The following GSG1L variants were observed in gnomAD, a reference collection of about 807,000 sequenced individuals.
GSG1L encodes the protein GSG1 like.
Under a neutral mutation model 42.1 loss-of-function variants are expected in GSG1L, and 24 were observed. The ratio of observed to expected loss-of-function variants is 0.57; its 90% CI spans 0.41 to 0.80. The LOEUF is 0.80. GSG1L is among the 30% of genes least tolerant of loss of function. GSG1L has a pLI of 0.00. For synonymous variants in GSG1L, 215 were observed against 203.5 expected, an observed-to-expected ratio of 1.06 and a Z score of -0.48; for missense variants, 445 against 472.2, an observed-to-expected ratio of 0.94 and a Z score of 0.53.
At chr16:27,828,488 T>C (rs1401356929) in intron 5 of GSG1L, among the ~76,000 whole-genome samples, 1 of 152,242 alleles carries the variant, frequency 6.6e-6, no homozygotes, top group Non-Finnish European at 1.5e-5. Context: ...TCTTTATCTC[T>C]TTATCATGGT....
chr16:28,008,504 A>AC (rs1287927374), intron 1 of GSG1L, among the ~76,000 whole-genome samples: 1 of 152,186 alleles, frequency 6.6e-6, no homozygotes, highest in Non-Finnish European at 1.5e-5. Context: ...ATCATCAGCC[A>AC]CTGCTGCCCC....
chr16:27,862,744 C>T (rs1346630900), intron 3 of GSG1L, among the ~76,000 whole-genome samples: 1 of 152,158 alleles, frequency 6.6e-6, no homozygotes, highest in Non-Finnish European at 1.5e-5. Flanking sequence ...AAACCTTGAA[C>T]CCCAGCCTGG....
chr16:28,013,604 C>T (rs1415479823), intron 1 of GSG1L, among the ~76,000 whole-genome samples: 4 of 152,316 alleles, frequency 2.6e-5, no homozygotes, highest in East Asian at 3.9e-4. Context: ...GCACTGACCA[C>T]GTGCCAGGTG....
At chr16:27,852,459 G>A (rs1007551826) in intron 3 of GSG1L, among the ~76,000 whole-genome samples, 8 of 152,182 alleles carry the variant, frequency 5.3e-5, no homozygotes, top group South Asian at 2.1e-4. Context: ...GAGAAGTCCC[G>A]GGGTCTGTGG....
At chr16:27,840,902 C>T (rs575285259) in intron 4 of GSG1L, among the ~76,000 whole-genome samples, 5 of 152,166 alleles carry the variant, frequency 3.3e-5, no homozygotes, top group Admixed American at 6.5e-5. Flanking sequence ...AGGTCCACCC[C>T]AGCCACGCCC....
intron 3 of GSG1L, among the ~76,000 whole-genome samples, chr16:27,860,346 T>C (rs908272969): frequency 2.6e-5 from 4 of 152,178 alleles, no homozygotes; most frequent in African/African-American, 9.6e-5. Context: ...AGCCGCATAG[T>C]AGGTGCTCAG....
At chr16:27,849,643 C>T (rs1222916796) in intron 3 of GSG1L, among the ~76,000 whole-genome samples, 2 of 152,174 alleles carry the variant, frequency 1.3e-5, no homozygotes, top group African/African-American at 4.8e-5. Flanking sequence ...CAGCCTCAGC[C>T]TCCTGAGTAA....
intron 1 of GSG1L, among the ~76,000 whole-genome samples, chr16:27,989,871 T>C (rs2085436423): frequency 6.6e-6 from 1 of 152,208 alleles, no homozygotes; most frequent in African/African-American, 2.4e-5. Context: ...TTCCTAAATG[T>C]CTGATATGTC....
intron 6 of GSG1L, among the ~76,000 whole-genome samples, chr16:27,806,108 G>A (rs2082959188): frequency 6.6e-6 from 1 of 152,076 alleles, no homozygotes; most frequent in Admixed American, 6.5e-5. Context: ...TGTCCCTGCA[G>A]GAGGAGTTCT....
intron 1 of GSG1L, among the ~76,000 whole-genome samples, chr16:28,023,665 A>G (rs1259530666): frequency 6.6e-6 from 1 of 151,952 alleles, no homozygotes; most frequent in African/African-American, 2.4e-5. Context: ...AAAACAATGC[A>G]TCATTATTGT....
chr16:27,946,452 A>G (rs2084860784), intron 2 of GSG1L, among the ~76,000 whole-genome samples: 1 of 151,344 alleles, frequency 6.6e-6, no homozygotes, highest in African/African-American at 2.4e-5. Flanking sequence ...GGCTGAGGCA[A>G]AAGAATCGCT....
intron 2 of GSG1L, among the ~76,000 whole-genome samples, chr16:27,896,753 A>G (rs1247118544): frequency 6.6e-6 from 1 of 152,218 alleles, no homozygotes; most frequent in Admixed American, 6.5e-5. Context: ...ATGCGGGGCC[A>G]TGAGCCAAGG....
chr16:27,944,600 T>C (rs12922079), intron 2 of GSG1L, among the ~76,000 whole-genome samples: 52,960 of 147,540 alleles, frequency 0.36, 9,784 homozygotes, highest in Middle Eastern at 0.46. Context: ...CCAGCCTGGG[T>C]GACAGAGTGA....
At chr16:27,855,867 G>A (rs2083571353) in intron 3 of GSG1L, among the ~76,000 whole-genome samples, 1 of 152,010 alleles carries the variant, frequency 6.6e-6, no homozygotes. Context: ...GGGGCCCCTG[G>A]AGCCAGAGCC....
chr16:27,977,455 G>A (rs775261755), intron 1 of GSG1L, among the ~76,000 whole-genome samples: 3 of 150,826 alleles, frequency 2.0e-5, no homozygotes, highest in Non-Finnish European at 2.9e-5. Context: ...ACCTGTAGTC[G>A]AGGCTGAGGC....
intron 5 of GSG1L, among the ~76,000 whole-genome samples, chr16:27,819,792 T>C (rs2083132880): frequency 1.3e-5 from 2 of 151,886 alleles, no homozygotes; most frequent in African/African-American, 2.4e-5. Flanking sequence ...AAGATGGGGG[T>C]CCTGTTACCC....
chr16:27,922,826 C>T (rs1596616025), intron 2 of GSG1L, among the ~76,000 whole-genome samples: 1 of 152,184 alleles, frequency 6.6e-6, no homozygotes, highest in Non-Finnish European at 1.5e-5. Flanking sequence ...CTCTGTTGCC[C>T]GGGCTGTGGT....
intron 3 of GSG1L, among the ~76,000 whole-genome samples, chr16:27,874,976 T>C (rs997369921): frequency 3.3e-5 from 5 of 152,192 alleles, no homozygotes; most frequent in African/African-American, 9.7e-5. Flanking sequence ...TCTGGGAAGA[T>C]GGCATCAGAA....
chr16:28,032,878 C>T (rs182832346), intron 1 of GSG1L, among the ~76,000 whole-genome samples: 1 of 152,270 alleles, frequency 6.6e-6, no homozygotes, highest in African/African-American at 2.4e-5. Context: ...TCACCTGGCC[C>T]CCCACCTGTT....
Sources: gnomAD v4.1 joint callset for allele counts (sites outside exome capture counted in the v4.1 genomes callset) on GRCh38, gnomAD v4.1.1 for gene constraint, MANE v1.5 for transcripts, NCBI Gene and HGNC (gene_info 2026-07-23, HGNC 2026-07-21) for gene names.